Variants in SLC5A1 observed in about 807,000 individuals in gnomAD.
SLC5A1 encodes the protein sodium/glucose cotransporter 1.
In SLC5A1, 42 loss-of-function variants were observed where a neutral mutation model predicts 73.5. The observed-to-expected ratio is 0.57, with a 90% CI of 0.45 to 0.74. SLC5A1 has a LOEUF of 0.74. Among genes scored for constraint, SLC5A1 ranks in the 30% least tolerant of loss-of-function variants. SLC5A1 has a pLI of 0.00. For synonymous variants in SLC5A1, 300 were observed against 317.4 expected, an observed-to-expected ratio of 0.95 and a Z score of 0.58; for missense variants, 634 against 855.4, an observed-to-expected ratio of 0.74 and a Z score of 3.23.
chr22:32,073,799 T>C (rs1206526396), intron 5 of SLC5A1, among the ~76,000 whole-genome samples: 3 of 152,258 alleles, frequency 2.0e-5, no homozygotes, highest in Non-Finnish European at 2.9e-5. Context: ...CCTCAGATGA[T>C]CCGCCCGCTT....
intron 5 of SLC5A1, among the ~76,000 whole-genome samples, chr22:32,080,535 T>C (rs760499708): frequency 6.6e-6 from 1 of 151,942 alleles, no homozygotes; most frequent in Non-Finnish European, 1.5e-5. Context: ...ATGCAAGATA[T>C]AAGAGGAGAT....
rs1032956068 is a variant in SLC5A1 at position 32,095,647 on chromosome 22, G to A, written c.1281-3536G>A. ...GTTGCTTTAAAGTTTCTTTTGAAACGTTAAAGAATATAAGAAGAGCTACTT... is the reference window on the plus strand; with the variant it reads ...GTTGCTTTAAAGTTTCTTTTGAAACATTAAAGAATATAAGAAGAGCTACTT... On this transcript the variant is annotated intron_variant, in intron 11 of 14. Transcript: ENST00000266088. 1.1e-3 allele frequency among the ~76,000 whole-genome samples: 164 copies of A among 152,146 alleles called. 1 individual carries two copies. Among genetic ancestry groups the A allele is most frequent in the African/African-American group, 3.9e-3 (160 of 41,510 alleles).
At chr22:32,067,368 AAT>A (rs904728027) in intron 3 of SLC5A1, among the ~76,000 whole-genome samples, 8 of 141,828 alleles carry the variant, frequency 5.6e-5, no homozygotes, top group South Asian at 2.2e-4. Context: ...TTTTTAAAAA[AAT>A]TTTTATTATT....
Position 32,043,474 on chromosome 22 carries a change from G to A in SLC5A1, c.135+58G>A, listed in dbSNP as rs1467357647. The A allele has an allele frequency of 6.3e-7, 1 of 1,579,394 alleles. No individual in the cohort carries two copies. The highest frequency in any genetic ancestry group is 1.7e-5 in the Admixed American group (1 of 58,062). On this transcript the variant is annotated intron_variant, in intron 1 of 14. Coordinates refer to ENST00000266088, the MANE Select transcript of SLC5A1 (RefSeq NM_000343.4). The surrounding 1 kb of genome is among the most constrained non-coding windows in gnomAD (Gnocchi z 6.5). The stretch of plus-strand genomic sequence containing the variant: ...GGGTGCGCACAGAGGAGGAGCAATG[G>A]CCTCGCTGAGCTGCAAGGGGCAGTA...
At chr22:32,073,103 C>G (rs2093985290) in intron 5 of SLC5A1, among the ~76,000 whole-genome samples, 1 of 152,162 alleles carries the variant, frequency 6.6e-6, no homozygotes, top group South Asian at 2.1e-4. Flanking sequence ...TTCTAAGAAT[C>G]CACTGCCAAA....
chr22:32,057,269 C>A (rs776154822), intron 2 of SLC5A1, among the ~76,000 whole-genome samples: 4 of 152,154 alleles, frequency 2.6e-5, no homozygotes, highest in Non-Finnish European at 5.9e-5. Flanking sequence ...CTAGGCAATT[C>A]TTTTCATTGT....
At chr22:32,082,031 G>C in intron 6 of SLC5A1, 60 bp downstream of exon 6, 1 of 1,042,522 alleles carries the variant, frequency 9.6e-7, no homozygotes, top group South Asian at 1.3e-5. Context: ...CACTAGTGAA[G>C]GATAAAGGGA....
chr22:32,048,209 T>C (rs2093939728), intron 1 of SLC5A1, among the ~76,000 whole-genome samples: 1 of 148,578 alleles, frequency 6.7e-6, no homozygotes, highest in South Asian at 2.2e-4. Flanking sequence ...TATCAGCTAC[T>C]AACATTATTA....
Position 32,110,273 on chromosome 22 carries a change from C to T in SLC5A1, c.*60C>T, listed in dbSNP as rs139271986. 6 of 1,334,186 alleles carry T rather than the reference C, an allele frequency of 4.5e-6. No homozygotes were observed. Among genetic ancestry groups the T allele is most frequent in the Non-Finnish European group, 6.5e-6 (6 of 928,354 alleles). The allele number at this position is 1,334,186 out of a possible 1,614,324, so 82.6% of individuals were successfully genotyped here. ...ACTCTTACTCACCTTCCTTTAGTCT[C>T]GTCCTGTGGTGTTGAAGGGAAATCA... On this transcript the variant is annotated 3_prime_UTR_variant, in exon 15 of 15. Transcript: ENST00000266088.
intron 5 of SLC5A1, among the ~76,000 whole-genome samples, chr22:32,073,620 G>T (rs560096594): frequency 6.6e-6 from 1 of 152,098 alleles, no homozygotes; most frequent in East Asian, 1.9e-4. Flanking sequence ...ACTGTGGCGC[G>T]ATCTTGGCTC....
At chr22:32,108,526 G>GT (rs1794547538) in intron 14 of SLC5A1, among the ~76,000 whole-genome samples, 1 of 152,110 alleles carries the variant, frequency 6.6e-6, no homozygotes, top group Non-Finnish European at 1.5e-5. Context: ...GGGGAGAGGT[G>GT]TGAGTGTGTG....
Position 32,084,580 on chromosome 22 carries a change from C to A in SLC5A1, c.806C>A (p.Pro269His), listed in dbSNP as rs1008750878. ...RADSFHIFRD[P>H]LTGDLPWPGF... ...GACTCCTTCCACATCTTCCGAGATC[C>A]CCTCACGGGAGACCTCCCATGGCCT... The change falls in exon 8 of 15, where the codon CCC becomes CAC. Residue 269 changes from proline to histidine, a missense_variant. By Grantham distance (77) the Pro-to-His change is moderately conservative. Coordinates refer to ENST00000266088, the MANE Select transcript of SLC5A1 (RefSeq NM_000343.4). 3 of 1,614,246 alleles carry A rather than the reference C, an allele frequency of 1.9e-6. No homozygotes were observed. The African/African-American group carries it at 4.0e-5, about 22-fold the overall frequency.
intron 2 of SLC5A1, among the ~76,000 whole-genome samples, chr22:32,058,032 T>A (rs1333384917): frequency 6.6e-6 from 1 of 152,224 alleles, no homozygotes; most frequent in East Asian, 1.9e-4. Flanking sequence ...AAAAGTATTT[T>A]AAAAATGCAC....
chr22:32,071,337 C>T (rs973196936), intron 5 of SLC5A1, among the ~76,000 whole-genome samples: 1 of 152,098 alleles, frequency 6.6e-6, no homozygotes, highest in East Asian at 1.9e-4. Context: ...CCTGTTGTCA[C>T]AGTTACTCAG....
chr22:32,057,950 CCTTATT>C (rs1453602852), intron 2 of SLC5A1, among the ~76,000 whole-genome samples: 2 of 152,058 alleles, frequency 1.3e-5, no homozygotes, highest in Non-Finnish European at 2.9e-5. Flanking sequence ...AATTGTTGTT[CCTTATT>C]CTTAAAGATT....
intron 5 of SLC5A1, among the ~76,000 whole-genome samples, chr22:32,081,357 T>G (rs1335045713): frequency 6.6e-6 from 1 of 152,116 alleles, no homozygotes; most frequent in African/African-American, 2.4e-5. Context: ...GCATCCGGGT[T>G]GGGGAGTTAA....
chr22:32,067,654 ATTG>A lies in SLC5A1; in HGVS notation c.313-310_313-308del, dbSNP rs1348553945. On this transcript the variant is annotated intron_variant, in intron 3 of 14. Coordinates refer to ENST00000266088, the MANE Select transcript of SLC5A1 (RefSeq NM_000343.4). ...ATAAATGTAATTATTAATTATTATT[ATTG>A]TTATTATTAAAGCTCTCTAAATGGC... Among the ~76,000 whole-genome samples the A allele has an allele frequency of 9.9e-5, 15 of 152,166 alleles. 1 individual carries two copies. The highest frequency in any genetic ancestry group is 6.2e-4 in the South Asian group (3 of 4,820).
chr22:32,083,169 G>A lies in SLC5A1; in HGVS notation c.664+15G>A. 1.9e-6 allele frequency: 3 copies of A among 1,610,088 alleles called. No homozygotes were observed. Among genetic ancestry groups the A allele is most frequent in the Non-Finnish European group, 2.6e-6 (3 of 1,176,430 alleles). On this transcript the variant is annotated intron_variant, in intron 7 of 14. Transcript: ENST00000266088. ...GACTGGGTTTGGTAAGTGGGGCCAG[G>A]GCAGGCTGAGGAGGTGGGAGCAGAG... is the stretch of plus-strand genomic sequence containing the variant.
At chr22:32,104,996 C>T in intron 14 of SLC5A1, 105 bp downstream of exon 14, 1 of 843,868 alleles carries the variant, frequency 1.2e-6, no homozygotes, top group South Asian at 1.4e-5. Flanking sequence ...GCTCAGATGT[C>T]TCCCCTCCAG....
Sources: gnomAD v4.1 joint callset for allele counts (sites outside exome capture counted in the v4.1 genomes callset) on GRCh38, gnomAD v4.1.1 for gene constraint, Gnocchi (gnomAD v3.1) non-coding constraint, MANE v1.5 for transcripts, NCBI Gene and HGNC (gene_info 2026-07-23, HGNC 2026-07-21) for gene names.